Variants in IL20RB observed in about 807,000 individuals in gnomAD.
The protein encoded by IL20RB is interleukin-20 receptor subunit beta.
In IL20RB, 21 loss-of-function variants were observed where a neutral mutation model predicts 33.3. That is an observed-to-expected ratio of 0.63 (90% CI 0.45 to 0.91). IL20RB has a LOEUF of 0.91. IL20RB is among the 40% of genes least tolerant of loss of function. The pLI is 0.00. For synonymous variants in IL20RB, 147 were observed against 146.8 expected (o/e 1.00, Z -0.01); for missense variants, 345 against 384.8 (o/e 0.90, Z 0.86).
chr3:136,982,529 GCT>G (rs1941803039), intron 3 of IL20RB, among the ~76,000 whole-genome samples, 179 bp downstream of exon 3: 1 of 152,196 alleles, frequency 6.6e-6, no homozygotes, highest in South Asian at 2.1e-4. Context: ...TCTACATGCT[GCT>G]CTCTGTCATG....
At chr3:136,981,266 T>TTAAATTAAATTAAATTAAAC (rs34927857) in intron 2 of IL20RB, among the ~76,000 whole-genome samples, 3 of 356 alleles carry the variant, frequency 8.4e-3, no homozygotes, top group Admixed American at 0.05. Flanking sequence ...CTATTTAAAT[T>TTAAATTAAATTAAATTAAAC]TAAATTAAAT....
chr3:136,998,132 T>C, intron 6 of IL20RB, among the ~76,000 whole-genome samples: 1 of 145,666 alleles, frequency 6.9e-6, no homozygotes, highest in East Asian at 2.0e-4. Context: ...TTCTTTTCTT[T>C]TTTTTTTTTT....
intron 5 of IL20RB, among the ~76,000 whole-genome samples, chr3:136,994,645 C>A (rs1942092684): frequency 6.6e-6 from 1 of 152,152 alleles, no homozygotes; most frequent in Non-Finnish European, 1.5e-5. Context: ...TTACATAGAA[C>A]TGAGAGATGG....
intron 1 of IL20RB, among the ~76,000 whole-genome samples, chr3:136,973,586 A>G (rs1318875113): frequency 6.6e-6 from 1 of 152,196 alleles, no homozygotes; most frequent in Admixed American, 6.5e-5. Context: ...CATTTGGTCT[A>G]AAGTCCAGTT....
At chr3:136,993,919 A>G (rs1403866569) in intron 5 of IL20RB, among the ~76,000 whole-genome samples, 1 of 152,006 alleles carries the variant, frequency 6.6e-6, no homozygotes, top group African/African-American at 2.4e-5. Context: ...AGGCTGAGGC[A>G]TGAAAATCGC....
chr3:136,972,387 ATTC>A (rs1481467802), intron 1 of IL20RB, among the ~76,000 whole-genome samples: 2 of 152,148 alleles, frequency 1.3e-5, no homozygotes, highest in Admixed American at 1.3e-4. Flanking sequence ...ATTGATATTA[ATTC>A]TTCTTTGTAT....
intron 1 of IL20RB, among the ~76,000 whole-genome samples, chr3:136,976,856 GT>G (rs1941630709): frequency 6.6e-6 from 1 of 152,180 alleles, no homozygotes; most frequent in South Asian, 2.1e-4. Context: ...GGACAATTTT[GT>G]CCCCCAATCT....
At chr3:136,994,367 A>G in intron 5 of IL20RB, among the ~76,000 whole-genome samples, 1 of 152,342 alleles carries the variant, frequency 6.6e-6, no homozygotes, top group Non-Finnish European at 1.5e-5. Context: ...GCATGCCTGT[A>G]TCAAAACATC....
In IL20RB at chr3:136,980,672, A is replaced by G. The variant is rs76715317; in HGVS notation, c.215+80A>G. On this transcript the variant is annotated intron_variant, in intron 2 of 6. Coordinates refer to ENST00000329582, the MANE Select transcript of IL20RB (RefSeq NM_144717.4). ...GGCATAGCCCTTCCTCCTGAGCCCAAGGTGGCTTTTTGAGTCCAGGGATAG... is the reference window on the plus strand; with the variant it reads ...GGCATAGCCCTTCCTCCTGAGCCCAGGGTGGCTTTTTGAGTCCAGGGATAG... 1.1e-4 allele frequency: 164 copies of G among 1,541,918 alleles called. No homozygotes were observed. The African/African-American group carries it at 1.9e-3, about 18-fold the overall frequency.
chr3:136,963,650 G>GT (rs966531184), intron 1 of IL20RB, among the ~76,000 whole-genome samples: 3 of 138,718 alleles, frequency 2.2e-5, no homozygotes, highest in Admixed American at 7.0e-5. Flanking sequence ...AGTTTTGAGA[G>GT]TTTTTTATGT....
intron 1 of IL20RB, among the ~76,000 whole-genome samples, chr3:136,960,844 A>G (rs1941199518): frequency 6.6e-6 from 1 of 152,236 alleles, no homozygotes; most frequent in Non-Finnish European, 1.5e-5. Context: ...GAAAGGAAAT[A>G]AAGAAGATGG....
chr3:137,002,234 T>C (rs1465635368), intron 6 of IL20RB, among the ~76,000 whole-genome samples: 2 of 152,030 alleles, frequency 1.3e-5, no homozygotes, highest in Admixed American at 6.6e-5. Context: ...ACAATAAACC[T>C]ATGTGTGCAT....
rs768305708 is a variant in IL20RB, at chr3:136,992,071, A to G, written c.665A>G (p.Glu222Gly). ...AGGTACAGCGCCTTCAGCCAGACAG[A>G]ATGTGTGGAGGTGCAAGGTAAGGAT... ...IGRYSAFSQT[E>G]CVEVQGEAIP... Residue 222 changes from glutamate (E) to glycine (G), a missense_variant, in exon 5 of 7, where the codon GAA becomes GGA. Physicochemically the swap from Glu to Gly is moderately conservative, Grantham distance 98. Transcript: ENST00000329582. 15 of 1,613,996 alleles carry G rather than the reference A, an allele frequency of 9.3e-6. No homozygotes were observed. The highest frequency in any genetic ancestry group is 1.3e-5 in the African/African-American group (1 of 74,910).
chr3:136,977,540 T>C (rs1202393913), intron 1 of IL20RB, among the ~76,000 whole-genome samples: 1 of 152,220 alleles, frequency 6.6e-6, no homozygotes, highest in Non-Finnish European at 1.5e-5. Flanking sequence ...TATAATTTTT[T>C]TTTGAGATGG....
chr3:137,010,077 A>G (rs770723663), intron 6 of IL20RB, 36 bp from the exon 7 acceptor site: 9 of 915,666 alleles, frequency 9.8e-6, no homozygotes, highest in South Asian at 7.8e-5. Flanking sequence ...TACTACTGCT[A>G]TCCTCTAATG....
intron 1 of IL20RB, among the ~76,000 whole-genome samples, chr3:136,972,850 T>G (rs1217966418): frequency 6.6e-6 from 1 of 152,162 alleles, no homozygotes; most frequent in African/African-American, 2.4e-5. Context: ...TTTGCTTTGT[T>G]CTTGCTTTTC....
At chr3:136,999,921 A>G (rs1471221895) in intron 6 of IL20RB, among the ~76,000 whole-genome samples, 1 of 152,158 alleles carries the variant, frequency 6.6e-6, no homozygotes, top group Non-Finnish European at 1.5e-5. Context: ...TTTGAGCATC[A>G]TTATAAATAC....
In IL20RB at chr3:136,982,362, C is replaced by T. The variant is rs774626035; in HGVS notation, c.406+12C>T. On this transcript the variant is annotated intron_variant, in intron 3 of 6. Transcript: ENST00000329582. ...TAATAGAAACTCAAGTAAGGCACTT[C>T]TCTCCTTACACTCCCACCCCAACCA... The T allele has an allele frequency of 3.9e-6, 6 of 1,557,804 alleles. No individual in the cohort carries two copies. Among genetic ancestry groups the T allele is most frequent in the Non-Finnish European group, 8.8e-7 (1 of 1,140,082 alleles).
intron 3 of IL20RB, among the ~76,000 whole-genome samples, chr3:136,985,359 T>G (rs1400517717): frequency 6.9e-6 from 1 of 145,680 alleles, no homozygotes; most frequent in Non-Finnish European, 1.5e-5. Flanking sequence ...TTTTTTGAGA[T>G]GGAGTTCCGC....
Sources: allele counts gnomAD v4.1 joint callset (sites outside exome capture counted in the v4.1 genomes callset), GRCh38; gene constraint gnomAD v4.1.1; transcripts MANE v1.5; gene names NCBI Gene and HGNC (gene_info 2026-07-23, HGNC 2026-07-21).